Variants in CABYR observed in about 807,000 individuals in gnomAD.
CABYR encodes the protein calcium binding tyrosine phosphorylation regulated.
In CABYR, 31 loss-of-function variants were observed where a neutral mutation model predicts 36.1. The ratio of observed to expected loss-of-function variants is 0.86; its 90% CI spans 0.64 to 1.16. The LOEUF (loss-of-function observed/expected upper bound fraction) is 1.16. Ranked by LOEUF, CABYR falls within the 50% of genes most tolerant of loss-of-function variation. CABYR has a pLI of 0.00. For synonymous variants in CABYR, 146 were observed against 160.7 expected, an observed-to-expected ratio of 0.91 and a Z score of 0.69; for missense variants, 429 against 455.8, an observed-to-expected ratio of 0.94 and a Z score of 0.53.
intron 3 of CABYR, among the ~76,000 whole-genome samples, chr18:24,146,557 A>AT (rs1782491561): frequency 6.6e-6 from 1 of 151,290 alleles, no homozygotes; most frequent in Non-Finnish European, 1.5e-5. Flanking sequence ...AAAAAAAAAA[A>AT]GGTCTATGTC....
chr18:24,143,468 C>T, intron 3 of CABYR, 55 bp downstream of exon 3: 1 of 945,272 alleles, frequency 1.1e-6, no homozygotes, highest in South Asian at 1.8e-5. Context: ...ATTATTGCAT[C>T]ATGACTAGCA....
intron 3 of CABYR, among the ~76,000 whole-genome samples, chr18:24,152,468 G>A (rs1168283099): frequency 6.6e-6 from 1 of 152,168 alleles, no homozygotes; most frequent in Non-Finnish European, 1.5e-5. Context: ...GAAAGTTGCA[G>A]GGAAGAAAAC....
At chr18:24,151,410 T>C (rs2085629149) in intron 3 of CABYR, among the ~76,000 whole-genome samples, 1 of 152,210 alleles carries the variant, frequency 6.6e-6, no homozygotes, top group Non-Finnish European at 1.5e-5. Context: ...CTTCATAAGG[T>C]TGAAAGATCA....
rs774713937 is a variant in CABYR at position 24,143,142 on chromosome 18, G to A, written c.28G>A (p.Val10Ile). The A allele has an allele frequency of 1.2e-5, 19 of 1,612,048 alleles. No homozygotes were observed. The highest frequency in any genetic ancestry group is 1.7e-4 in the Middle Eastern group (1 of 6,060). Residue 10 changes from valine (V) to isoleucine (I), a missense_variant, in exon 2 of 6, where the codon GTA (valine) becomes ATA (isoleucine). By Grantham distance (29) the Val-to-Ile change is conservative (BLOSUM62 3). Coordinates refer to ENST00000399496, the MANE Select transcript of CABYR (RefSeq NM_153769.3). MISSKPRLV[V>I]PYGLKTLLEG... is the part of the protein sequence containing the mutation. ...GATTTCTTCAAAGCCCAGACTTGTC[G>A]TACCCTATGGCCTCAAGACTCTGCT...
In CABYR at chr18:24,159,454, C is replaced by CA; in HGVS notation, c.542-14dup. ...ACAGAGACCAAAACTTTAATTCCTG[C>CA]AAAATTTTTTTTTATAGCAATGGCA... On this transcript the variant is annotated splice_polypyrimidine_tract_variant and intron_variant, in intron 4 of 5. Coordinates refer to ENST00000399496, the MANE Select transcript of CABYR (RefSeq NM_153769.3). The CA allele has an allele frequency of 5.6e-6, 9 of 1,596,242 alleles. No homozygotes were observed. Among genetic ancestry groups the CA allele is most frequent in the Non-Finnish European group, 7.7e-6 (9 of 1,168,480 alleles).
At chr18:24,154,743 T>C (rs1008636516) in intron 3 of CABYR, among the ~76,000 whole-genome samples, 7 of 152,204 alleles carry the variant, frequency 4.6e-5, no homozygotes, top group African/African-American at 1.4e-4. Context: ...ATGACTAAGG[T>C]AGTTAGGTGT....
chr18:24,143,490 T>C lies in CABYR; in HGVS notation c.199+77T>C, dbSNP rs1269713546. Reference sequence around the variant, plus strand: ...CATCATGACTAGCATATATTCAAACTTAAGAATGGTGCCCACAAATTATTT... The same window carrying C: ...CATCATGACTAGCATATATTCAAACCTAAGAATGGTGCCCACAAATTATTT... On this transcript the variant is annotated intron_variant, in intron 3 of 5. Transcript: ENST00000399496. 5 of 678,644 alleles carry C rather than the reference T, an allele frequency of 7.4e-6. No homozygotes were observed. In the Admixed American group the frequency reaches 1.5e-4, roughly 20 times the overall value. 42.0% of individuals were successfully genotyped at this position (678,644 alleles called of 1,614,324 possible). A position where few individuals can be genotyped will look rare whatever the true frequency, so the allele number is the denominator to read the frequency against.
At chr18:24,148,054 GAA>G (rs908313410) in intron 3 of CABYR, among the ~76,000 whole-genome samples, 9 of 152,176 alleles carry the variant, frequency 5.9e-5, no homozygotes, top group African/African-American at 1.9e-4. Flanking sequence ...GGAAGGAGGA[GAA>G]AGTGGTGGCA....
chr18:24,141,690 G>C (rs1377970377), intron 1 of CABYR, among the ~76,000 whole-genome samples: 3 of 152,060 alleles, frequency 2.0e-5, no homozygotes, highest in African/African-American at 7.2e-5. Context: ...ATTTAATTTT[G>C]TTCTTTAGAA....
chr18:24,148,394 AAG>A (rs1361879769), intron 3 of CABYR, among the ~76,000 whole-genome samples: 3 of 152,142 alleles, frequency 2.0e-5, no homozygotes, highest in African/African-American at 7.2e-5. Context: ...TAATCTAGCT[AAG>A]ATTATCTTAG....
intron 3 of CABYR, 36 bp downstream of exon 3, chr18:24,143,449 T>G (rs1023909145): frequency 8.2e-7 from 1 of 1,224,618 alleles, no homozygotes; most frequent in Non-Finnish European, 1.1e-6. Context: ...TTAATAATGA[T>G]GTTTATTAAT....
chr18:24,153,897 G>C (rs2085701992), intron 3 of CABYR, among the ~76,000 whole-genome samples: 1 of 152,006 alleles, frequency 6.6e-6, no homozygotes, highest in African/African-American at 2.4e-5. Context: ...AAGATCAGGA[G>C]TTCAAGACTA....
At chr18:24,139,280 C>T (rs919440673) in intron 1 of CABYR, among the ~76,000 whole-genome samples, 162 bp downstream of exon 1, 2 of 151,980 alleles carry the variant, frequency 1.3e-5, no homozygotes, top group African/African-American at 2.4e-5. Flanking sequence ...GGGAGTGCGG[C>T]GACCAGACGG....
intron 4 of CABYR, chr18:24,156,618 A>G (rs1229445074): frequency 6.2e-7 from 1 of 1,614,090 alleles, no homozygotes; most frequent in Non-Finnish European, 8.5e-7. Flanking sequence ...GGAGAATGCA[A>G]AATATTCCTC....
intron 3 of CABYR, among the ~76,000 whole-genome samples, chr18:24,151,423 C>G (rs1377110589): frequency 6.6e-6 from 1 of 152,158 alleles, no homozygotes; most frequent in Non-Finnish European, 1.5e-5. Context: ...AAAGATCAAC[C>G]TTTAGCAAAC....
chr18:24,139,513 C>T (rs1023262460), intron 1 of CABYR: 1 of 152,260 alleles, frequency 6.6e-6, no homozygotes, highest in African/African-American at 2.4e-5. Context: ...CGCTGGCATC[C>T]TGAAAGGCAT....
At chr18:24,140,313 A>AAT (rs1390116288) in intron 1 of CABYR, 1 of 152,156 alleles carries the variant, frequency 6.6e-6, no homozygotes, top group Non-Finnish European at 1.5e-5. Context: ...GTATGTATCA[A>AAT]ATATATATAT....
chr18:24,140,089 C>G (rs143311853), intron 1 of CABYR: 3,094 of 152,296 alleles, frequency 0.02, 61 homozygotes, highest in Middle Eastern at 0.067. Context: ...CCACGCCCGG[C>G]TGATTTTTTG....
At chr18:24,153,249 C>A (rs1224353181) in intron 3 of CABYR, among the ~76,000 whole-genome samples, 1 of 151,770 alleles carries the variant, frequency 6.6e-6, no homozygotes, top group East Asian at 1.9e-4. Context: ...GGGCTTTGGA[C>A]ACGGGGCTTT....
Sources: gnomAD v4.1 joint callset for allele counts (sites outside exome capture counted in the v4.1 genomes callset) on GRCh38, gnomAD v4.1.1 for gene constraint, MANE v1.5 for transcripts, NCBI Gene and HGNC (gene_info 2026-07-23, HGNC 2026-07-21) for gene names.